The following NOX5 variants were observed in gnomAD, a reference collection of about 807,000 sequenced individuals.
NOX5 encodes NADPH oxidase 5.
Under a neutral mutation model 85.7 loss-of-function variants are expected in NOX5, and 76 were observed. That is an observed-to-expected ratio of 0.89 (90% CI 0.74 to 1.07). The LOEUF is 1.07. Among genes scored for constraint, NOX5 ranks in the 50% least tolerant of loss-of-function variants. NOX5 has a pLI of 0.00. For missense variants in NOX5, 973 were observed against 999.5 expected (o/e 0.97, Z 0.36); for synonymous variants, 405 against 401.4 (o/e 1.01, Z -0.11).
In NOX5 at chr15:69,050,318, T is replaced by C. The variant is rs541436058; in HGVS notation, c.1999+1260T>C. The stretch of plus-strand genomic sequence containing the variant: ...ATTTCTGGGGTCTTTTCACTTTTTG[T>C]GCCTGGATTGAGATTTCCATCTGGG... On this transcript the variant is annotated intron_variant, in intron 14 of 15. Transcript: ENST00000388866. Among the ~76,000 whole-genome samples the C allele has an allele frequency of 2.0e-5, 3 of 152,356 alleles. No individual in the cohort carries two copies. The South Asian group carries it at 6.2e-4, about 32-fold the overall frequency.
At chr15:69,025,742 C>T (rs1010395537) in intron 1 of NOX5, among the ~76,000 whole-genome samples, 4 of 152,198 alleles carry the variant, frequency 2.6e-5, no homozygotes, top group Admixed American at 2.0e-4. Context: ...ATCTGTAACT[C>T]CTCACTCACT....
chr15:69,047,730 T>TC (rs1190325303), intron 12 of NOX5, 100 bp from the exon 13 acceptor site: 29 of 1,384,452 alleles, frequency 2.1e-5, no homozygotes, highest in Non-Finnish European at 2.8e-5. Flanking sequence ...TAGAGTGGGC[T>TC]CTGCCACCCC....
chr15:69,047,227 G>C (rs189815025), intron 11 of NOX5, 186 bp from the exon 12 acceptor site: 13 of 706,852 alleles, frequency 1.8e-5, no homozygotes, highest in Middle Eastern at 3.4e-4. Flanking sequence ...GCTCTCCCCA[G>C]ACTGGTGCTG....
intron 1 of NOX5, 127 bp from the exon 2 acceptor site, chr15:69,026,401 T>C: frequency 4.4e-6 from 5 of 1,135,558 alleles, no homozygotes; most frequent in Non-Finnish European, 6.3e-6. Flanking sequence ...CAGAACTGAT[T>C]GACCCGATTC....
At position 69,057,132 on chromosome 15, in the gene NOX5, GAAGAATCATA is replaced by G; in HGVS notation, c.*437_*446del. 6.0e-6 allele frequency: 1 copy of G among 165,992 alleles called. No homozygotes were observed. Among genetic ancestry groups the G allele is most frequent in the Admixed American group, 5.6e-5 (1 of 18,000 alleles). 10.3% of individuals were successfully genotyped at this position (165,992 alleles called of 1,614,324 possible). ...AATTGTTCAAACCTACAAAAAGTGA[GAAGAATCATA>G]CAGTGAACAGTGTTACCTACTTTCT... On this transcript the variant is annotated 3_prime_UTR_variant, in exon 16 of 16. Coordinates refer to ENST00000388866, the MANE Select transcript of NOX5 (RefSeq NM_024505.4).
chr15:69,056,683 A>G lies in NOX5; in HGVS notation c.2285A>G (p.Gln762Arg), dbSNP rs750318643. The G allele has an allele frequency of 3.5e-5, 57 of 1,613,556 alleles. No individual in the cohort carries two copies. Among genetic ancestry groups the G allele is most frequent in the Middle Eastern group, 3.5e-4 (2 of 5,732 alleles). The change falls in exon 16 of 16, where the codon CAA (glutamine) becomes CGA (arginine). Residue 762 changes from glutamine (Q) to arginine (R), a missense_variant. By Grantham distance (43) the Gln-to-Arg change is conservative. Transcript: ENST00000388866. ...HCEKFGFRFFQENF is the reference protein window; with the variant it reads ...HCEKFGFRFFRENF ...GAGAAGTTCGGCTTCAGATTTTTCC[A>G]AGAGAATTTCTAGCCTCACCTCTCC... is the stretch of plus-strand genomic sequence containing the variant.
intron 14 of NOX5, among the ~76,000 whole-genome samples, chr15:69,054,937 G>T (rs900921947): frequency 1.3e-5 from 2 of 152,140 alleles, no homozygotes; most frequent in Non-Finnish European, 2.9e-5. Flanking sequence ...AATACAAAAA[G>T]TCTTGGCCAG....
chr15:69,014,856 A>G, intron 1 of NOX5, 71 bp downstream of exon 1: 1 of 1,154,338 alleles, frequency 8.7e-7, no homozygotes. Flanking sequence ...CCTTTGTGGG[A>G]TCTACAAAAG....
In NOX5 at chr15:69,060,251, A is replaced by G. The variant is rs1180048005; in HGVS notation, c.*3555A>G. On this transcript the variant is annotated 3_prime_UTR_variant, in exon 16 of 16. Transcript: ENST00000388866. ...TCGTGGGAGGGGAGGGGGCATGGGC[A>G]ACATGGAGAGTCACCAGGCTGGCAG... 6.6e-6 allele frequency: 1 copy of G among 152,376 alleles called. No individual in the cohort carries two copies. Among genetic ancestry groups the G allele is most frequent in the Non-Finnish European group, 1.5e-5 (1 of 68,136 alleles). 9.4% of individuals were successfully genotyped at this position (152,376 alleles called of 1,614,324 possible). A position where few individuals can be genotyped will look rare whatever the true frequency, so the allele number is the denominator to read the frequency against.
chr15:69,025,567 A>T, intron 1 of NOX5, among the ~76,000 whole-genome samples: 1 of 152,206 alleles, frequency 6.6e-6, no homozygotes, highest in East Asian at 1.9e-4. Flanking sequence ...ATGGGCTGTG[A>T]GTACTGATTC....
Position 69,061,229 on chromosome 15 carries a change from TA to T in NOX5, c.*4535del, listed in dbSNP as rs2050868308. On this transcript the variant is annotated 3_prime_UTR_variant, in exon 16 of 16. Coordinates refer to ENST00000388866, the MANE Select transcript of NOX5 (RefSeq NM_024505.4). The stretch of plus-strand genomic sequence containing the variant: ...GTATCAAGTGAAAGTATTTCGGGCC[TA>T]AGCCAGGGGACTGGCCCTCCCCGTC... The T allele has an allele frequency of 6.6e-6, 1 of 152,264 alleles. No homozygotes were observed. The highest frequency in any genetic ancestry group is 2.4e-5 in the African/African-American group (1 of 41,478). The allele number at this position is 152,264 out of a possible 1,614,324, so 9.4% of individuals were successfully genotyped here.
chr15:69,042,565 G>T (rs2050608336), intron 9 of NOX5, 98 bp from the exon 10 acceptor site: 2 of 1,354,974 alleles, frequency 1.5e-6, no homozygotes, highest in South Asian at 2.8e-5. Flanking sequence ...GACTTGGAGG[G>T]CTGAGGCCCA....
chr15:69,035,588 G>A, intron 6 of NOX5, 81 bp downstream of exon 6: 2 of 1,570,142 alleles, frequency 1.3e-6, no homozygotes, highest in South Asian at 1.2e-5. Flanking sequence ...GCCCCTGTGT[G>A]TACTGCCTGC....
At chr15:69,040,023 G>T (rs1456537683) in intron 9 of NOX5, among the ~76,000 whole-genome samples, 1 of 152,188 alleles carries the variant, frequency 6.6e-6, no homozygotes, top group Admixed American at 6.5e-5. Context: ...GGTGCTGGGG[G>T]TTCTCTGACT....
chr15:69,056,896 G>A lies in NOX5; in HGVS notation c.*200G>A. 1.8e-6 allele frequency: 1 copy of A among 558,198 alleles called. No individual in the cohort carries two copies. The highest frequency in any genetic ancestry group is 3.0e-6 in the Non-Finnish European group (1 of 329,582). 34.6% of individuals were successfully genotyped at this position (558,198 alleles called of 1,614,324 possible). The stretch of plus-strand genomic sequence containing the variant: ...CCTCTAGAACCCAGGGGAAGGGACA[G>A]TGCCTTGTTCAGTCTGCTGTAGATT... On this transcript the variant is annotated 3_prime_UTR_variant, in exon 16 of 16. Transcript: ENST00000388866.
chr15:69,052,101 C>A (rs1720650173), intron 14 of NOX5, among the ~76,000 whole-genome samples: 1 of 151,764 alleles, frequency 6.6e-6, no homozygotes, highest in African/African-American at 2.4e-5. Flanking sequence ...ACCTGTAGCC[C>A]TAGCTACTTG....
intron 12 of NOX5, 123 bp from the exon 13 acceptor site, chr15:69,047,707 C>T (rs1459511094): frequency 1.5e-6 from 2 of 1,294,680 alleles, no homozygotes; most frequent in Non-Finnish European, 2.2e-6. Flanking sequence ...TGTCTCATCC[C>T]TCCCCTTCCT....
intron 10 of NOX5, among the ~76,000 whole-genome samples, chr15:69,044,660 A>G (rs1305487511): frequency 6.6e-6 from 1 of 152,242 alleles, no homozygotes; most frequent in African/African-American, 2.4e-5. Flanking sequence ...AGGTTACTAA[A>G]AAGTATGCTC....
intron 14 of NOX5, among the ~76,000 whole-genome samples, chr15:69,049,896 T>A (rs2050725771): frequency 6.6e-6 from 1 of 152,240 alleles, no homozygotes; most frequent in Admixed American, 6.5e-5. Context: ...GACAAATGCA[T>A]ACAGTAGTGT....
Sources: allele counts gnomAD v4.1 joint callset (sites outside exome capture counted in the v4.1 genomes callset), GRCh38; gene constraint gnomAD v4.1.1; transcripts MANE v1.5; gene names NCBI Gene and HGNC (gene_info 2026-07-23, HGNC 2026-07-21).